PITPNA: variants seen among roughly 807,000 people sequenced by gnomAD.
The protein encoded by PITPNA is phosphatidylinositol transfer protein alpha, also known as phosphatidylinositol transfer protein alpha isoform.
In PITPNA, 13 loss-of-function variants were observed where a neutral mutation model predicts 50.3. That is an observed-to-expected ratio of 0.26 (90% confidence interval 0.17 to 0.41). The LOEUF (loss-of-function observed/expected upper bound fraction) is 0.41, where lower values mean the gene tolerates loss of function less well. PITPNA is among the 10% of genes least tolerant of loss of function. PITPNA has a pLI of 1.00. For synonymous variants in PITPNA, 120 were observed against 119.6 expected (o/e 1.00, Z -0.02); for missense variants, 207 against 333.4 (o/e 0.62, Z 2.95).
At chr17:1,544,540 T>C (rs746050555) in intron 4 of PITPNA, among the ~76,000 whole-genome samples, 39 of 152,226 alleles carry the variant, frequency 2.6e-4, no homozygotes, top group Non-Finnish European at 5.1e-4. Context: ...CATTCCAGTA[T>C]TCCCTGTTGT....
intron 10 of PITPNA, among the ~76,000 whole-genome samples, chr17:1,522,136 A>G (rs377712572): frequency 6.7e-6 from 1 of 149,130 alleles, no homozygotes; most frequent in Non-Finnish European, 1.5e-5. Context: ...CAGTGGCGCA[A>G]TCTCGGCTCA....
At chr17:1,552,798 G>C (rs1464936342) in intron 3 of PITPNA, among the ~76,000 whole-genome samples, 2 of 152,082 alleles carry the variant, frequency 1.3e-5, no homozygotes, top group African/African-American at 2.4e-5. Flanking sequence ...TGGGAGAGGA[G>C]GCCATGATAA....
chr17:1,543,572 AC>A (rs373050921), intron 4 of PITPNA, among the ~76,000 whole-genome samples: 82 of 152,268 alleles, frequency 5.4e-4, no homozygotes, highest in African/African-American at 1.9e-3. Context: ...CTCTCATGTC[AC>A]TGGGGAACAG....
At chr17:1,536,577 C>T (rs1241452450) in intron 7 of PITPNA, among the ~76,000 whole-genome samples, 3 of 151,502 alleles carry the variant, frequency 2.0e-5, no homozygotes, top group East Asian at 1.9e-4. Flanking sequence ...GCGTGAGCCA[C>T]CGCGCCCTGC....
intron 3 of PITPNA, among the ~76,000 whole-genome samples, chr17:1,551,529 G>C (rs1254677109): frequency 6.6e-6 from 1 of 152,070 alleles, no homozygotes; most frequent in Non-Finnish European, 1.5e-5. Flanking sequence ...CTGACCTCAA[G>C]TGATCCATCC....
Position 1,523,505 on chromosome 17 carries a change from CTTTTT to C in PITPNA, c.769-1865_769-1861del, listed in dbSNP as rs11401118. 6.5e-3 allele frequency among the ~76,000 whole-genome samples: 759 copies of C among 117,394 alleles called. 8 individuals carry two copies. Among genetic ancestry groups the C allele is most frequent in the African/African-American group, 0.024 (731 of 30,896 alleles). The allele number at this position is 117,394 out of a possible 152,430, so 77.0% of individuals were successfully genotyped here. A position where few individuals can be genotyped will look rare whatever the true frequency, so the allele number is the denominator to read the frequency against. ...TACAGGCATGTGCCACCACGCCTGGCTTTTTTTTTTTTTTTTTTTGAGACACAGTC... is the reference window on the plus strand; with the variant it reads ...TACAGGCATGTGCCACCACGCCTGGCTTTTTTTTTTTTTTGAGACACAGTC... On this transcript the variant is annotated intron_variant, in intron 10 of 11. Transcript: ENST00000313486.
chr17:1,558,252 TC>T (rs2075748588), intron 2 of PITPNA, among the ~76,000 whole-genome samples: 2 of 116,414 alleles, frequency 1.7e-5, no homozygotes, highest in Non-Finnish European at 3.7e-5. Flanking sequence ...AAAAAAAGGG[TC>T]CCCAGACATG....
At chr17:1,548,649 C>A (rs753013249) in intron 3 of PITPNA, among the ~76,000 whole-genome samples, 16 of 152,164 alleles carry the variant, frequency 1.1e-4, no homozygotes, top group Non-Finnish European at 2.1e-4. Flanking sequence ...TGGCTCATCA[C>A]CCCTTCCATC....
chr17:1,526,788 G>A (rs756437509), intron 10 of PITPNA, among the ~76,000 whole-genome samples: 2 of 152,202 alleles, frequency 1.3e-5, no homozygotes, highest in Non-Finnish European at 2.9e-5. Context: ...TTTTTGAGAC[G>A]GAGTCTTGCT....
At chr17:1,534,640 G>C (rs892136547) in intron 9 of PITPNA, among the ~76,000 whole-genome samples, 4 of 152,174 alleles carry the variant, frequency 2.6e-5, no homozygotes, top group African/African-American at 9.7e-5. Context: ...GGATTAAAAG[G>C]CTCTAAAACT....
rs1286686243 is a variant in PITPNA, at chr17:1,518,451, A to G, written c.*2110T>C. ...AAGGGGGTACTTAAAAGAAGCCAACACTGTTGCCCAGCAGCAACACCATCC... is the reference window on the plus strand; with the variant it reads ...AAGGGGGTACTTAAAAGAAGCCAACGCTGTTGCCCAGCAGCAACACCATCC... On this transcript the variant is annotated 3_prime_UTR_variant, in exon 12 of 12. Transcript: ENST00000313486. 1 of 152,590 alleles carries G rather than the reference A, an allele frequency of 6.6e-6. No individual in the cohort carries two copies. Among genetic ancestry groups the G allele is most frequent in the African/African-American group, 2.4e-5 (1 of 41,412 alleles). The allele number at this position is 152,590 out of a possible 1,614,324, so 9.5% of individuals were successfully genotyped here. A position where few individuals can be genotyped will look rare whatever the true frequency, so the allele number is the denominator to read the frequency against.
At position 1,562,445 on chromosome 17, in the gene PITPNA, G is replaced by T; in HGVS notation, c.20+96C>A. On this transcript the variant is annotated intron_variant, in intron 1 of 11. Coordinates refer to ENST00000313486, the MANE Select transcript of PITPNA (RefSeq NM_006224.4). This position sits in a 1 kb window ranked among gnomAD's most constrained non-coding sequence, Gnocchi z 6.4. ...CACCCTCCGTCCCTGCTGCCCCTCC[G>T]TCCATCCGGGCCCTGCGTCCCTCGC... 1.0e-6 allele frequency: 1 copy of T among 1,000,080 alleles called. No homozygotes were observed. The highest frequency in any genetic ancestry group is 1.4e-6 in the Non-Finnish European group (1 of 734,220). The allele number at this position is 1,000,080 out of a possible 1,614,324, so 62.0% of individuals were successfully genotyped here.
In PITPNA at chr17:1,519,412, G is replaced by A. The variant is rs1017359355; in HGVS notation, c.*1149C>T. On this transcript the variant is annotated 3_prime_UTR_variant, in exon 12 of 12. Coordinates refer to ENST00000313486, the MANE Select transcript of PITPNA (RefSeq NM_006224.4). ...CTGGACTTCCTCACCAGCCTACTTT[G>A]GTCGGGTTCTGTACTATGATCACTA... 6.6e-6 allele frequency: 1 copy of A among 152,454 alleles called. No individual in the cohort carries two copies. The highest frequency in any genetic ancestry group is 2.4e-5 in the African/African-American group (1 of 41,440). 9.4% of individuals were successfully genotyped at this position (152,454 alleles called of 1,614,324 possible). A position where few individuals can be genotyped will look rare whatever the true frequency, so the allele number is the denominator to read the frequency against.
chr17:1,545,483 T>C (rs1032248944), intron 4 of PITPNA, among the ~76,000 whole-genome samples: 7 of 152,198 alleles, frequency 4.6e-5, no homozygotes, highest in Admixed American at 4.6e-4. Context: ...GATCTAAGAT[T>C]CAACATATCC....
chr17:1,528,568 G>A (rs1268394953), intron 10 of PITPNA, among the ~76,000 whole-genome samples: 1 of 151,962 alleles, frequency 6.6e-6, no homozygotes, highest in African/African-American at 2.4e-5. Flanking sequence ...GCAACATATT[G>A]AGATCTTGTC....
chr17:1,530,657 G>A (rs2075575869), intron 10 of PITPNA, among the ~76,000 whole-genome samples: 1 of 152,146 alleles, frequency 6.6e-6, no homozygotes, highest in Non-Finnish European at 1.5e-5. Context: ...ATGGAAGACA[G>A]GCATCTATCT....
At chr17:1,532,916 G>A (rs2075593171) in intron 10 of PITPNA, among the ~76,000 whole-genome samples, 1 of 152,242 alleles carries the variant, frequency 6.6e-6, no homozygotes, top group East Asian at 1.9e-4. Flanking sequence ...CAGGAAAAGT[G>A]TCATTCTGGA....
intron 10 of PITPNA, among the ~76,000 whole-genome samples, chr17:1,524,250 T>A (rs2075532948): frequency 6.7e-6 from 1 of 150,024 alleles, no homozygotes; most frequent in Non-Finnish European, 1.5e-5. Context: ...TTCACCATGT[T>A]AGCCAGGATG....
At chr17:1,553,268 T>C in intron 2 of PITPNA, 119 bp from the exon 3 acceptor site, 1 of 1,119,532 alleles carries the variant, frequency 8.9e-7, no homozygotes, top group Non-Finnish European at 1.3e-6. Context: ...CAGGAGCTGG[T>C]TCTGGAGTTT....
Sources: gnomAD v4.1 joint callset for allele counts (sites outside exome capture counted in the v4.1 genomes callset) on GRCh38, gnomAD v4.1.1 for gene constraint, Gnocchi (gnomAD v3.1) non-coding constraint, MANE v1.5 for transcripts, NCBI Gene and HGNC (gene_info 2026-07-23, HGNC 2026-07-21) for gene names.